Variants in PTPRR observed in about 807,000 individuals in gnomAD.
PTPRR encodes the protein protein tyrosine phosphatase receptor type R, also known as receptor-type tyrosine-protein phosphatase R.
PTPRR carries 38 observed loss-of-function variants against 77.2 expected under a neutral mutation model. The observed-to-expected ratio is 0.49, with a 90% confidence interval of 0.38 to 0.65. PTPRR has a LOEUF of 0.65. PTPRR is among the 30% of genes least tolerant of loss of function. The pLI, the probability that PTPRR is intolerant of heterozygous loss-of-function variation, is 0.00. For missense variants in PTPRR, 744 were observed against 799.2 expected (o/e 0.93, Z 0.83); for synonymous variants, 299 against 283.1 (o/e 1.06, Z -0.57).
intron 2 of PTPRR, chr12:70,788,717 T>A (rs1891371483): frequency 1.2e-6 from 1 of 855,022 alleles, no homozygotes; most frequent in African/African-American, 1.7e-5. Flanking sequence ...TTTTTCTACA[T>A]TTACATGAAC....
At chr12:70,868,657 T>C (rs1027216553) in intron 2 of PTPRR, among the ~76,000 whole-genome samples, 14 of 152,184 alleles carry the variant, frequency 9.2e-5, no homozygotes, top group Admixed American at 7.9e-4. Flanking sequence ...GAACTAGAAA[T>C]ACCATTTGAC....
At chr12:70,706,191 T>G (rs1269287283) in intron 6 of PTPRR, among the ~76,000 whole-genome samples, 1 of 152,102 alleles carries the variant, frequency 6.6e-6, no homozygotes, top group Admixed American at 6.6e-5. Context: ...TTAATGGCAT[T>G]TAATAATGTT....
chr12:70,732,912 A>T (rs1889713056), intron 6 of PTPRR, among the ~76,000 whole-genome samples: 1 of 152,150 alleles, frequency 6.6e-6, no homozygotes. Context: ...AATTAACTTG[A>T]TGTCCAAGAA....
At chr12:70,702,276 G>C (rs553925290) in intron 6 of PTPRR, among the ~76,000 whole-genome samples, 7 of 152,064 alleles carry the variant, frequency 4.6e-5, no homozygotes, top group Non-Finnish European at 8.8e-5. Flanking sequence ...TGGACCAAGG[G>C]GTAACTATGA....
At position 70,668,242 on chromosome 12, in the gene PTPRR, A is replaced by AGAG. The variant is rs372874329; in HGVS notation, c.1498-5640_1498-5638dup. On this transcript the variant is annotated intron_variant, in intron 10 of 13. Coordinates refer to ENST00000283228, the MANE Select transcript of PTPRR (RefSeq NM_002849.4). The stretch of plus-strand genomic sequence containing the variant: ...GAAGAGGAGGAGAGGAGGATAAGGA[A>AGAG]GAGGAGGAGGAGGATAAGGATGAAG... Among the ~76,000 whole-genome samples the AGAG allele has an allele frequency of 3.7e-3, 561 of 150,586 alleles. 7 individuals carry two copies. Among genetic ancestry groups the AGAG allele is most frequent in the African/African-American group, 0.013 (543 of 41,002 alleles).
intron 2 of PTPRR, among the ~76,000 whole-genome samples, chr12:70,868,392 T>G (rs1187216038): frequency 6.6e-6 from 1 of 150,396 alleles, no homozygotes; most frequent in Admixed American, 6.6e-5. Context: ...GAACAGACAC[T>G]TCTGAAAAGA....
At chr12:70,834,298 T>C (rs1306771829) in intron 2 of PTPRR, among the ~76,000 whole-genome samples, 1 of 152,190 alleles carries the variant, frequency 6.6e-6, no homozygotes, top group Non-Finnish European at 1.5e-5. Flanking sequence ...GGTGACAAGC[T>C]TGTATATCTG....
At chr12:70,648,922 A>G (rs61930336) in intron 13 of PTPRR, among the ~76,000 whole-genome samples, 2,782 of 152,294 alleles carry the variant, frequency 0.018, 60 homozygotes, top group South Asian at 0.11. Flanking sequence ...GCTCAAAAGT[A>G]TTAGTAAAAG....
chr12:70,738,430 A>G (rs183761339), intron 6 of PTPRR, among the ~76,000 whole-genome samples: 1 of 152,300 alleles, frequency 6.6e-6, no homozygotes, highest in South Asian at 2.1e-4. Context: ...AGAGTGCTAT[A>G]TTACAGTGTG....
At chr12:70,797,308 A>T (rs1891533104) in intron 2 of PTPRR, among the ~76,000 whole-genome samples, 1 of 152,098 alleles carries the variant, frequency 6.6e-6, no homozygotes, top group Admixed American at 6.5e-5. Flanking sequence ...CAAAGGCAAA[A>T]TCCCTCCAAT....
At chr12:70,910,645 G>A in intron 1 of PTPRR, among the ~76,000 whole-genome samples, 1 of 152,082 alleles carries the variant, frequency 6.6e-6, no homozygotes, top group East Asian at 1.9e-4. Context: ...TATAATTTAA[G>A]CCCTCTAAAT....
chr12:70,677,961 A>T (rs773693570), intron 10 of PTPRR, among the ~76,000 whole-genome samples: 1 of 152,050 alleles, frequency 6.6e-6, no homozygotes, highest in African/African-American at 2.4e-5. Flanking sequence ...TTTCTTGAAT[A>T]GTTTGAGGAG....
At chr12:70,872,012 TTGTC>T (rs376912614) in intron 2 of PTPRR, among the ~76,000 whole-genome samples, 62 of 152,288 alleles carry the variant, frequency 4.1e-4, no homozygotes, top group African/African-American at 1.5e-3. Flanking sequence ...AAACAAACAT[TTGTC>T]TGAACACCAA....
chr12:70,892,685 A>G lies in PTPRR; in HGVS notation c.351T>C (p.Ile117=), dbSNP rs746628017. ...ENLPIPAANV[I]VVTLQMDVNK... is the part of the protein sequence containing the mutation. Reference sequence around the variant, plus strand: ...AGTTTAACATACTACTTACCACCACAATTACATTTGCTGCTGGGATTGGGA... The same window carrying G: ...AGTTTAACATACTACTTACCACCACGATTACATTTGCTGCTGGGATTGGGA... Residue 117 remains isoleucine (I), a synonymous_variant, in exon 2 of 14, where the codon ATT becomes ATC. Transcript: ENST00000283228. The G allele has an allele frequency of 4.3e-6, 7 of 1,612,922 alleles. No individual in the cohort carries two copies. Among genetic ancestry groups the G allele is most frequent in the Non-Finnish European group, 5.9e-6 (7 of 1,179,230 alleles).
At chr12:70,866,324 A>T (rs1194000850) in intron 2 of PTPRR, among the ~76,000 whole-genome samples, 1 of 150,500 alleles carries the variant, frequency 6.6e-6, no homozygotes, top group South Asian at 2.1e-4. Flanking sequence ...AATCAAATAG[A>T]TGCAATAAAA....
chr12:70,853,498 G>A (rs770391375), intron 2 of PTPRR, among the ~76,000 whole-genome samples: 1 of 152,216 alleles, frequency 6.6e-6, no homozygotes, highest in African/African-American at 2.4e-5. Context: ...AAGCAATACT[G>A]CCTTTGGCCC....
In PTPRR at chr12:70,784,521, C is replaced by G. The variant is rs915771882; in HGVS notation, c.358-19743G>C. Among the ~76,000 whole-genome samples, 5 of 152,290 alleles carry G rather than the reference C, an allele frequency of 3.3e-5. No homozygotes were observed. In the East Asian group the frequency reaches 7.8e-4, roughly 24 times the overall value. On this transcript the variant is annotated intron_variant, in intron 2 of 13. Transcript: ENST00000283228. ...CCTTGTCCGGAGCACAACCTAGCCC[C>G]GCTCCAATGGGCGGTGCCCAGGGCA... is the stretch of plus-strand genomic sequence containing the variant.
intron 1 of PTPRR, among the ~76,000 whole-genome samples, chr12:70,910,726 A>G (rs1470959354): frequency 6.6e-6 from 1 of 152,186 alleles, no homozygotes; most frequent in Non-Finnish European, 1.5e-5. Context: ...GGAAATCCTG[A>G]TGCTCTAGAG....
intron 6 of PTPRR, among the ~76,000 whole-genome samples, chr12:70,703,346 GTTAGGGA>G (rs1419016892): frequency 6.6e-6 from 1 of 151,982 alleles, no homozygotes; most frequent in Non-Finnish European, 1.5e-5. Context: ...GGATCACTGG[GTTAGGGA>G]TTAGGGAATA....
Sources: allele counts gnomAD v4.1 joint callset (sites outside exome capture counted in the v4.1 genomes callset), GRCh38; gene constraint gnomAD v4.1.1; transcripts MANE v1.5; gene names NCBI Gene and HGNC (gene_info 2026-07-23, HGNC 2026-07-21).